The following EHD1 variants were observed in gnomAD, a reference collection of about 807,000 sequenced individuals.
EHD1 encodes EH domain containing 1, also known as EH domain-containing protein 1.
A neutral mutation model predicts 39.0 loss-of-function variants in EHD1; 19 were observed. The ratio of observed to expected loss-of-function variants is 0.49; its 90% CI spans 0.34 to 0.72. The LOEUF (loss-of-function observed/expected upper bound fraction) is 0.72, where lower values mean the gene tolerates loss of function less well. Among genes scored for constraint, EHD1 ranks in the 30% least tolerant of loss-of-function variants. EHD1 has a pLI of 0.01. For synonymous variants in EHD1, 323 were observed against 331.2 expected (o/e 0.98, Z 0.27); for missense variants, 542 against 751.5 (o/e 0.72, Z 3.26).
intron 2 of EHD1, among the ~76,000 whole-genome samples, chr11:64,867,388 C>T (rs950792784): frequency 7.3e-5 from 11 of 150,424 alleles, no homozygotes; most frequent in South Asian, 2.1e-4. Context: ...CACTGCATTT[C>T]GGCCTGGGCA....
At chr11:64,858,070 C>T (rs1049835956) in intron 3 of EHD1, among the ~76,000 whole-genome samples, 1 of 147,696 alleles carries the variant, frequency 6.8e-6, no homozygotes, top group Non-Finnish European at 1.5e-5. Context: ...GACAGGGTCT[C>T]ACTAGGTTGC....
At position 64,854,311 on chromosome 11, in the gene EHD1, G is replaced by A. The variant is rs375831742; in HGVS notation, c.*22C>T. 825 of 1,577,742 alleles carry A rather than the reference G, an allele frequency of 5.2e-4. 8 individuals are homozygous for A. The South Asian group carries it at 5.8e-3, about 11-fold the overall frequency. The stretch of plus-strand genomic sequence containing the variant: ...TGCCTCCCGGCCGGGCGTGCAAATG[G>A]CAGGTGCGGGGCCGGGCGCCATCAC... On this transcript the variant is annotated 3_prime_UTR_variant, in exon 5 of 5. Transcript: ENST00000320631.
At chr11:64,872,595 CTT>C (rs35705383) in intron 2 of EHD1, among the ~76,000 whole-genome samples, 36 of 145,762 alleles carry the variant, frequency 2.5e-4, no homozygotes, top group African/African-American at 2.3e-4. Flanking sequence ...CTAGCCCTCG[CTT>C]TTTTTTTTTT....
At chr11:64,867,137 G>A (rs1358669442) in intron 2 of EHD1, among the ~76,000 whole-genome samples, 1 of 152,208 alleles carries the variant, frequency 6.6e-6, no homozygotes, top group East Asian at 1.9e-4. Flanking sequence ...GTTAAAATGA[G>A]GCCGGGCGCA....
intron 2 of EHD1, among the ~76,000 whole-genome samples, chr11:64,861,869 A>G (rs1943720450): frequency 6.6e-6 from 1 of 152,214 alleles, no homozygotes; most frequent in African/African-American, 2.4e-5. Flanking sequence ...TGGACTGGAC[A>G]GACTCCAGCT....
At chr11:64,861,847 A>G (rs762603823) in intron 2 of EHD1, among the ~76,000 whole-genome samples, 9 of 152,094 alleles carry the variant, frequency 5.9e-5, no homozygotes, top group Non-Finnish European at 7.4e-5. Context: ...CACTTCTCCA[A>G]AACAAAGTGG....
In EHD1 at chr11:64,878,388, C is replaced by T. The variant is rs760385045; in HGVS notation, c.77G>A (p.Arg26Gln). The change falls in exon 1 of 5, where the codon CGG becomes CAG. Residue 26 changes from arginine (R) to glutamine (Q), a missense_variant. Coordinates refer to ENST00000320631, the MANE Select transcript of EHD1 (RefSeq NM_006795.4). ...ELFQTVAEGLRQLYAQKLLPL... is the reference protein window; with the variant it reads ...ELFQTVAEGLQQLYAQKLLPL... ...TAGCAGCTTCTGCGCGTACAGCTGC[C>T]GCAGCCCCTCAGCCACCGTCTGGAA... 1.2e-6 allele frequency: 2 copies of T among 1,613,934 alleles called. No homozygotes were observed. The highest frequency in any genetic ancestry group is 1.1e-5 in the South Asian group (1 of 91,086).
intron 3 of EHD1, chr11:64,859,689 TA>T: frequency 1.7e-6 from 1 of 578,966 alleles, no homozygotes; most frequent in African/African-American, 1.9e-5. Flanking sequence ...AGATGGGGTA[TA>T]AACCACAAAC....
At chr11:64,857,167 G>A (rs1285851155) in intron 3 of EHD1, among the ~76,000 whole-genome samples, 1 of 152,240 alleles carries the variant, frequency 6.6e-6, no homozygotes, top group Middle Eastern at 3.2e-3. Context: ...GCTCACGCCT[G>A]TAATCCCAGC....
chr11:64,866,940 T>C (rs55932066), intron 2 of EHD1, among the ~76,000 whole-genome samples: 2,335 of 152,186 alleles, frequency 0.015, 54 homozygotes, highest in African/African-American at 0.052. Context: ...GTGCAGGGGC[T>C]GCGGGGTGCA....
chr11:64,855,196 A>G, intron 4 of EHD1, 126 bp downstream of exon 4: 1 of 1,382,488 alleles, frequency 7.2e-7, no homozygotes, highest in Non-Finnish European at 9.6e-7. Flanking sequence ...CTGGTGATTA[A>G]CCCAGCTGCT....
chr11:64,874,612 C>T (rs1943866322), intron 1 of EHD1, 94 bp from the exon 2 acceptor site: 1 of 969,178 alleles, frequency 1.0e-6, no homozygotes, highest in Non-Finnish European at 1.4e-6. Context: ...TTCGCTCCAT[C>T]TCTGGCTTCC....
At chr11:64,879,269 C>A (rs1367499813), upstream of EHD1, 3 of 1,036,284 alleles carry the variant, frequency 2.9e-6, no homozygotes, top group Non-Finnish European at 3.7e-6. Flanking sequence ...AGAGGCCTGA[C>A]CTCCCCTCAG....
At chr11:64,878,920 C>G (rs1486196392), upstream of EHD1, 6 of 1,023,502 alleles carry the variant, frequency 5.9e-6, no homozygotes, top group South Asian at 3.9e-5. Context: ...GAGACGGCCT[C>G]TGGGCCGCGC....
Position 64,868,866 on chromosome 11 carries a change from T to A in EHD1, c.502+5555A>T, listed in dbSNP as rs1943797078. On this transcript the variant is annotated intron_variant, in intron 2 of 4. Transcript: ENST00000320631. This position sits in a 1 kb window ranked among gnomAD's most constrained non-coding sequence, Gnocchi z 4.2. ...CTCTGGAATCAGGCCCACATTTCCA[T>A]CCTGAACCTTCTACTCAACAACGAG... is the stretch of plus-strand genomic sequence containing the variant. 6.6e-6 allele frequency among the ~76,000 whole-genome samples: 1 copy of A among 152,146 alleles called. No homozygotes were observed.
intron 2 of EHD1, among the ~76,000 whole-genome samples, chr11:64,861,621 T>C (rs1943717637): frequency 6.6e-6 from 1 of 152,220 alleles, no homozygotes; most frequent in African/African-American, 2.4e-5. Flanking sequence ...CCTGTTTGTA[T>C]AAATAAAGTT....
intron 2 of EHD1, among the ~76,000 whole-genome samples, chr11:64,863,869 G>T (rs1283730625): frequency 6.6e-6 from 1 of 152,222 alleles, no homozygotes; most frequent in East Asian, 1.9e-4. Flanking sequence ...CCTCAGCCGG[G>T]CTGCAGGGAG....
chr11:64,873,167 G>A (rs1309958051), intron 2 of EHD1, among the ~76,000 whole-genome samples: 1 of 152,238 alleles, frequency 6.6e-6, no homozygotes, highest in African/African-American at 2.4e-5. Flanking sequence ...ATCTTCAAAA[G>A]AGCTTGGCAG....
In EHD1 at chr11:64,852,292, T is replaced by G. The variant is rs1943590124; in HGVS notation, c.*2041A>C. 6.6e-6 allele frequency: 1 copy of G among 152,226 alleles called. No individual in the cohort carries two copies. 9.4% of individuals were successfully genotyped at this position (152,226 alleles called of 1,614,324 possible). ...TCTGCTTTGTCTTCAGAGGCCCGGC[T>G]TCCCTGTACTTAAACCGTCCTTGGG... On this transcript the variant is annotated 3_prime_UTR_variant, in exon 5 of 5. Transcript: ENST00000320631.
Sources: gnomAD v4.1 joint callset for allele counts (sites outside exome capture counted in the v4.1 genomes callset) on GRCh38, gnomAD v4.1.1 for gene constraint, Gnocchi (gnomAD v3.1) non-coding constraint, MANE v1.5 for transcripts, NCBI Gene and HGNC (gene_info 2026-07-23, HGNC 2026-07-21) for gene names.